NMT1: variants seen among roughly 807,000 people sequenced by gnomAD.
The protein encoded by NMT1 is N-myristoyltransferase 1.
NMT1 carries 12 observed loss-of-function variants against 63.4 expected under a neutral mutation model. The ratio of observed to expected loss-of-function variants is 0.19; its 90% CI spans 0.12 to 0.31. The LOEUF (loss-of-function observed/expected upper bound fraction) is 0.31, where lower values mean the gene tolerates loss of function less well. NMT1 is among the 10% of genes least tolerant of loss of function. The pLI, the probability that NMT1 is intolerant of heterozygous loss-of-function variation, is 1.00. For synonymous variants in NMT1, 228 were observed against 234.3 expected (o/e 0.97, Z 0.25); for missense variants, 432 against 634.6 (o/e 0.68, Z 3.43).
chr17:45,080,623 C>T (rs552545222), intron 1 of NMT1, among the ~76,000 whole-genome samples: 18 of 151,648 alleles, frequency 1.2e-4, no homozygotes, highest in African/African-American at 3.9e-4. Context: ...CGCCCGCCAC[C>T]GTGCCCGGCT....
intron 2 of NMT1, among the ~76,000 whole-genome samples, chr17:45,084,622 C>T (rs28493834): frequency 0.12 from 18,934 of 151,558 alleles, 1,410 homozygotes; most frequent in East Asian, 0.27. Flanking sequence ...CGTGAGCCAC[C>T]GCGCCCGGCC....
chr17:45,107,397 G>A lies in NMT1; in HGVS notation c.*1758G>A, dbSNP rs1178920999. ...CCCTCCCTTTTCCCATTGTTCCTGC[G>A]CTGCAAATTGCAGGCCCCAGCAATC... On this transcript the variant is annotated 3_prime_UTR_variant, in exon 12 of 12. Coordinates refer to ENST00000258960, the MANE Select transcript of NMT1 (RefSeq NM_021079.5). The A allele has an allele frequency of 6.6e-6, 1 of 152,650 alleles. No homozygotes were observed. Among genetic ancestry groups the A allele is most frequent in the African/African-American group, 2.4e-5 (1 of 41,444 alleles). The allele number at this position is 152,650 out of a possible 1,614,324, so 9.5% of individuals were successfully genotyped here.
chr17:45,071,806 C>T (rs1186230145), intron 1 of NMT1, among the ~76,000 whole-genome samples: 1 of 151,830 alleles, frequency 6.6e-6, no homozygotes, highest in Non-Finnish European at 1.5e-5. Flanking sequence ...TCGTGGGGCA[C>T]TACTACATCG....
In NMT1 at chr17:45,104,797, G is replaced by A; in HGVS notation, c.1333-62G>A. 1 of 1,601,416 alleles carries A rather than the reference G, an allele frequency of 6.2e-7. No homozygotes were observed. The highest frequency in any genetic ancestry group is 8.5e-7 in the Non-Finnish European group (1 of 1,170,716). Reference sequence around the variant, plus strand: ...ACAGCTTTGAAATGGCAGCAAAGGGGTAGGAAGGAGGCTGTCCCCACCTGT... The same window carrying A: ...ACAGCTTTGAAATGGCAGCAAAGGGATAGGAAGGAGGCTGTCCCCACCTGT... On this transcript the variant is annotated intron_variant, in intron 10 of 11. Transcript: ENST00000258960. This position sits in a 1 kb window ranked among gnomAD's most constrained non-coding sequence, Gnocchi z 4.2.
Position 45,078,242 on chromosome 17 carries a change from T to TG in NMT1, c.132-3395dup, listed in dbSNP as rs79757013. Among the ~76,000 whole-genome samples, 4 of 152,232 alleles carry TG rather than the reference T, an allele frequency of 2.6e-5. 1 individual carries two copies. The highest frequency in any genetic ancestry group is 4.1e-4 in the South Asian group (2 of 4,824). The stretch of plus-strand genomic sequence containing the variant: ...CGCTGTTACTCTAGGATTTCAAGCA[T>TG]GGGGGGGACACATGGAAAGCCATTT... On this transcript the variant is annotated intron_variant, in intron 1 of 11. Coordinates refer to ENST00000258960, the MANE Select transcript of NMT1 (RefSeq NM_021079.5).
intron 1 of NMT1, among the ~76,000 whole-genome samples, chr17:45,079,250 G>A (rs923793471): frequency 9.9e-5 from 15 of 151,858 alleles, no homozygotes; most frequent in African/African-American, 3.1e-4. Context: ...GATTACAGGC[G>A]CATGCCTCCA....
intron 8 of NMT1, among the ~76,000 whole-genome samples, chr17:45,100,825 T>C (rs2054157305): frequency 8.8e-6 from 1 of 113,254 alleles, no homozygotes. Context: ...ATCGCACCAC[T>C]GCACTCCAAC....
Position 45,095,383 on chromosome 17 carries a change from C to T in NMT1, c.505-811C>T, listed in dbSNP as rs2054118428. 2.0e-5 allele frequency among the ~76,000 whole-genome samples: 3 copies of T among 152,318 alleles called. No homozygotes were observed. The South Asian group carries it at 6.2e-4, about 32-fold the overall frequency. On this transcript the variant is annotated intron_variant, in intron 4 of 11. Transcript: ENST00000258960. Reference sequence around the variant, plus strand: ...TCAGCCTCCCAAAGTGCTGGGATTACAGGCTTGAGCCACCACACCGGGCCA... The same window carrying T: ...TCAGCCTCCCAAAGTGCTGGGATTATAGGCTTGAGCCACCACACCGGGCCA...
At chr17:45,073,101 C>T (rs1367502232) in intron 1 of NMT1, among the ~76,000 whole-genome samples, 1 of 151,968 alleles carries the variant, frequency 6.6e-6, no homozygotes, top group Non-Finnish European at 1.5e-5. Context: ...CTCAGCACAA[C>T]TAGAGGCGCT....
intron 8 of NMT1, among the ~76,000 whole-genome samples, chr17:45,100,894 A>C (rs917165545): frequency 8.5e-6 from 1 of 118,116 alleles, no homozygotes; most frequent in African/African-American, 3.3e-5. Context: ...AAAAAAAAAA[A>C]AAGAAGGCCA....
rs535908393 is a variant in NMT1 at position 45,104,060 on chromosome 17, G to A, written c.1332+184G>A. ...ACTCAAAACTTGGAGGGAACAAGGA[G>A]CATCCGAAGTGAAGGCATTGAACTC... On this transcript the variant is annotated intron_variant, in intron 10 of 11. Transcript: ENST00000258960. The surrounding 1 kb of genome is among the most constrained non-coding windows in gnomAD (Gnocchi z 4.2). 9.9e-5 allele frequency: 151 copies of A among 1,532,086 alleles called. 1 individual carries two copies. The South Asian group carries it at 1.8e-3, about 18-fold the overall frequency. 94.9% of individuals were successfully genotyped at this position (1,532,086 alleles called of 1,614,324 possible).
At chr17:45,066,558 A>G (rs1277898222) in intron 1 of NMT1, among the ~76,000 whole-genome samples, 1 of 151,542 alleles carries the variant, frequency 6.6e-6, no homozygotes, top group Non-Finnish European at 1.5e-5. Flanking sequence ...GTTCGAGACC[A>G]GCCTGGGCAA....
In NMT1 at chr17:45,098,476, C is replaced by T; in HGVS notation, c.808C>T (p.Arg270Trp). The change falls in exon 7 of 12, where the codon CGG becomes TGG. Residue 270 changes from arginine (R) to tryptophan (W), a missense_variant. By Grantham distance (101) the Arg-to-Trp change is moderately radical. Transcript: ENST00000258960. ...AGTTCTGATCCGAGAGATCACCAGG[C>T]GGGTTCACCTGGAGGGCATCTTCCA... ...APVLIREITR[R>W]VHLEGIFQAV... 1.2e-6 allele frequency: 2 copies of T among 1,614,078 alleles called. No homozygotes were observed. Among genetic ancestry groups the T allele is most frequent in the Non-Finnish European group, 1.7e-6 (2 of 1,179,910 alleles).
At chr17:45,086,947 C>T (rs147531033) in intron 3 of NMT1, among the ~76,000 whole-genome samples, 168 of 151,694 alleles carry the variant, frequency 1.1e-3, no homozygotes, top group African/African-American at 3.9e-3. Flanking sequence ...TTGTTTGAGC[C>T]CAAAAGTTCG....
Position 45,102,961 on chromosome 17 carries a change from C to T in NMT1, c.1004C>T (p.Thr335Ile), listed in dbSNP as rs375623297. 1.2e-6 allele frequency: 2 copies of T among 1,611,470 alleles called. No individual in the cohort carries two copies. Among genetic ancestry groups the T allele is most frequent in the African/African-American group, 2.7e-5 (2 of 74,882 alleles). The change falls in exon 9 of 12, where the codon ACA becomes ATA. Residue 335 changes from threonine (T) to isoleucine (I), a missense_variant. This residue lies in a region of NMT1 where 295 missense variants were observed against 489.7 expected (regional missense o/e 0.60). Coordinates refer to ENST00000258960, the MANE Select transcript of NMT1 (RefSeq NM_021079.5). ...KLYRLPETPK[T>I]AGLRPMETKD... The stretch of plus-strand genomic sequence containing the variant: ...CTGTCTTGCCTCCAGACTCCCAAGA[C>T]AGCTGGGCTGCGACCAATGGAAACA...
At chr17:45,064,993 T>G (rs1208380196) in intron 1 of NMT1, among the ~76,000 whole-genome samples, 5 of 152,158 alleles carry the variant, frequency 3.3e-5, no homozygotes. Context: ...GCCCCTCTGC[T>G]CTTATCACAT....
chr17:45,101,233 C>T (rs987210747), intron 8 of NMT1, among the ~76,000 whole-genome samples: 2 of 151,216 alleles, frequency 1.3e-5, no homozygotes, highest in African/African-American at 2.4e-5. Context: ...TGCCCAGGCT[C>T]ATCTGAATTC....
chr17:45,082,272 GTT>G (rs74724010), intron 2 of NMT1, among the ~76,000 whole-genome samples: 1 of 141,730 alleles, frequency 7.1e-6, no homozygotes, highest in Non-Finnish European at 1.6e-5. Context: ...CACCTGTCCA[GTT>G]TTTTTTTTTT....
chr17:45,102,186 T>C (rs1008068606), intron 8 of NMT1, among the ~76,000 whole-genome samples: 2 of 152,200 alleles, frequency 1.3e-5, no homozygotes, highest in Admixed American at 6.5e-5. Context: ...TGGGAAGCAT[T>C]GTGTCAGGCA....
Sources: allele counts gnomAD v4.1 joint callset (sites outside exome capture counted in the v4.1 genomes callset), GRCh38; gene constraint gnomAD v4.1.1; regional missense constraint gnomAD v4.1.1; non-coding constraint Gnocchi (gnomAD v3.1); transcripts MANE v1.5; gene names NCBI Gene and HGNC (gene_info 2026-07-23, HGNC 2026-07-21).